COMMD10: variants seen among roughly 807,000 people sequenced by gnomAD.
The protein encoded by COMMD10 is COMM domain-containing protein 10.
COMMD10 carries 33 observed loss-of-function variants against 28.9 expected under a neutral mutation model. That is an observed-to-expected ratio of 1.14 (90% CI 0.87 to 1.53). The LOEUF (loss-of-function observed/expected upper bound fraction) is 1.53, where lower values mean the gene tolerates loss of function less well. Among genes scored for constraint, COMMD10 ranks in the 40% most tolerant of loss-of-function variants. The pLI is 0.00. For synonymous variants in COMMD10, 110 were observed against 81.7 expected, an observed-to-expected ratio of 1.35 and a Z score of -1.87; for missense variants, 310 against 233.4, an observed-to-expected ratio of 1.33 and a Z score of -2.14.
At chr5:116,241,583 C>CTTATTTATTTATTTATTTAT (rs61328599) in intron 5 of COMMD10, among the ~76,000 whole-genome samples, 28 of 140,504 alleles carry the variant, frequency 2.0e-4, no homozygotes, top group East Asian at 4.2e-4. Flanking sequence ...ACTCTGCTTT[C>CTTATTTATTTATTTATTTAT]TTATTTATTT....
Position 116,103,516 on chromosome 5 carries a change from T to C in COMMD10, c.399+10816T>C, listed in dbSNP as rs573162619. ...CTTTGCCCACTTTTTGATGGGTTTTTTTCTTGTAAATTTGTTTAAGTTCCT... is the reference window on the plus strand; with the variant it reads ...CTTTGCCCACTTTTTGATGGGTTTTCTTCTTGTAAATTTGTTTAAGTTCCT... On this transcript the variant is annotated intron_variant, in intron 4 of 6. Coordinates refer to ENST00000274458, the MANE Select transcript of COMMD10 (RefSeq NM_016144.4). Among the ~76,000 whole-genome samples, 5 of 152,336 alleles carry C rather than the reference T, an allele frequency of 3.3e-5. No individual in the cohort carries two copies. In the East Asian group the frequency reaches 9.6e-4, roughly 29 times the overall value.
intron 5 of COMMD10, among the ~76,000 whole-genome samples, chr5:116,276,754 G>A (rs1340691693): frequency 6.6e-6 from 1 of 151,588 alleles, no homozygotes; most frequent in Non-Finnish European, 1.5e-5. Context: ...AATGAAACTG[G>A]TCACAAAAGA....
chr5:116,146,646 G>A (rs9326993), intron 5 of COMMD10, among the ~76,000 whole-genome samples: 124,577 of 151,816 alleles, frequency 0.82, 51,267 homozygotes, highest in African/African-American at 0.84. Flanking sequence ...GCATGTTTAC[G>A]GTGTTAGTTA....
At chr5:116,202,902 T>C (rs1172964206) in intron 5 of COMMD10, among the ~76,000 whole-genome samples, 1 of 152,156 alleles carries the variant, frequency 6.6e-6, no homozygotes, top group Non-Finnish European at 1.5e-5. Context: ...TAAATCCCAT[T>C]TGTCAATTTT....
chr5:116,159,429 T>C lies in COMMD10; in HGVS notation c.510+25251T>C, dbSNP rs115844968. ...CTGTTAGGTCTCTACTCAAGTATCA[T>C]TGGAGAGAGGCCTTTCCTGAACATA... On this transcript the variant is annotated intron_variant, in intron 5 of 6. Coordinates refer to ENST00000274458, the MANE Select transcript of COMMD10 (RefSeq NM_016144.4). Among the ~76,000 whole-genome samples the C allele has an allele frequency of 5.8e-3, 888 of 152,316 alleles. 9 individuals are homozygous for C. The highest frequency in any genetic ancestry group is 0.02 in the African/African-American group (846 of 41,578).
chr5:116,233,717 C>T (rs1592917), intron 5 of COMMD10, among the ~76,000 whole-genome samples: 11,102 of 152,050 alleles, frequency 0.073, 481 homozygotes, highest in Admixed American at 0.13. Context: ...GACAAAGTCC[C>T]TGAGAAGAAA....
chr5:116,148,122 A>G (rs898367661), intron 5 of COMMD10, among the ~76,000 whole-genome samples: 9 of 151,846 alleles, frequency 5.9e-5, no homozygotes, highest in African/African-American at 1.9e-4. Flanking sequence ...ATATACTAAC[A>G]TGTTGACTAA....
At chr5:116,137,396 A>C (rs1752053719) in intron 5 of COMMD10, among the ~76,000 whole-genome samples, 1 of 152,120 alleles carries the variant, frequency 6.6e-6, no homozygotes, top group Non-Finnish European at 1.5e-5. Flanking sequence ...ACCACTGCTT[A>C]GTTTATGATA....
At chr5:116,208,840 C>A (rs1449065814) in intron 5 of COMMD10, among the ~76,000 whole-genome samples, 5 of 152,052 alleles carry the variant, frequency 3.3e-5, no homozygotes, top group Non-Finnish European at 5.9e-5. Context: ...GTAAGGGTTA[C>A]CTCATTTATT....
chr5:116,257,192 A>G (rs193270723), intron 5 of COMMD10, among the ~76,000 whole-genome samples: 1 of 143,114 alleles, frequency 7.0e-6, no homozygotes, highest in African/African-American at 2.9e-5. Flanking sequence ...ACAGCAACCC[A>G]TCACATAAGG....
intron 5 of COMMD10, among the ~76,000 whole-genome samples, chr5:116,141,664 C>T (rs867302877): frequency 5.3e-5 from 8 of 151,566 alleles, no homozygotes; most frequent in Non-Finnish European, 7.4e-5. Flanking sequence ...TTTTGCTCTC[C>T]TAGCAATGGT....
chr5:116,222,477 A>G (rs1200602716), intron 5 of COMMD10, among the ~76,000 whole-genome samples: 1 of 152,142 alleles, frequency 6.6e-6, no homozygotes, highest in Non-Finnish European at 1.5e-5. Context: ...TGACTCATCT[A>G]GTTCAGTGGG....
chr5:116,201,133 T>G (rs1242533082), intron 5 of COMMD10, among the ~76,000 whole-genome samples: 1 of 152,150 alleles, frequency 6.6e-6, no homozygotes, highest in Non-Finnish European at 1.5e-5. Flanking sequence ...CAACTGGAGT[T>G]GGATATTTTC....
At chr5:116,181,568 G>T (rs1460870785) in intron 5 of COMMD10, among the ~76,000 whole-genome samples, 1 of 151,268 alleles carries the variant, frequency 6.6e-6, no homozygotes, top group Non-Finnish European at 1.5e-5. Flanking sequence ...ACATAAAGAA[G>T]GAAATAATAA....
intron 5 of COMMD10, among the ~76,000 whole-genome samples, chr5:116,250,962 A>T (rs535276362): frequency 6.6e-6 from 1 of 151,998 alleles, no homozygotes; most frequent in African/African-American, 2.4e-5. Context: ...AGCCTACATT[A>T]TTCTGGCTTG....
chr5:116,147,618 C>G (rs956253086), intron 5 of COMMD10, among the ~76,000 whole-genome samples: 1 of 151,630 alleles, frequency 6.6e-6, no homozygotes, highest in Non-Finnish European at 1.5e-5. Flanking sequence ...GCTGGTTAAC[C>G]AAAACATGTA....
intron 4 of COMMD10, among the ~76,000 whole-genome samples, chr5:116,125,396 G>T (rs960582134): frequency 1.6e-4 from 25 of 152,178 alleles, no homozygotes; most frequent in African/African-American, 6.0e-4. Context: ...CTTCTGGCTT[G>T]TAGAGTTTCT....
At chr5:116,154,721 A>G (rs187295790) in intron 5 of COMMD10, among the ~76,000 whole-genome samples, 1,569 of 152,234 alleles carry the variant, frequency 0.01, 5 homozygotes, top group Non-Finnish European at 0.016. Flanking sequence ...AGCCTTGACC[A>G]CAGAACTTAC....
chr5:116,143,460 C>G (rs985653128), intron 5 of COMMD10, among the ~76,000 whole-genome samples: 4 of 151,692 alleles, frequency 2.6e-5, no homozygotes, highest in Non-Finnish European at 5.9e-5. Context: ...TATTGTTTTA[C>G]TAAAATTCTT....
Sources: allele counts gnomAD v4.1 joint callset (sites outside exome capture counted in the v4.1 genomes callset), GRCh38; gene constraint gnomAD v4.1.1; transcripts MANE v1.5; gene names NCBI Gene and HGNC (gene_info 2026-07-23, HGNC 2026-07-21).